Variants in SLC9A9 observed in about 807,000 individuals in gnomAD.
SLC9A9 encodes solute carrier family 9 member A9.
A neutral mutation model predicts 77.8 loss-of-function variants in SLC9A9; 62 were observed. The observed-to-expected ratio is 0.80, with a 90% confidence interval of 0.65 to 0.98. The LOEUF (loss-of-function observed/expected upper bound fraction) is 0.98, where lower values mean the gene tolerates loss of function less well. Ranked by LOEUF, SLC9A9 falls within the 50% of genes least tolerant of loss-of-function variation. The pLI, the probability that SLC9A9 is intolerant of heterozygous loss-of-function variation, is 0.00. For synonymous variants in SLC9A9, 320 were observed against 283.5 expected (o/e 1.13, Z -1.29); for missense variants, 775 against 774.9 (o/e 1.00, Z 0.00).
chr3:143,830,840 G>A (rs959947635), intron 2 of SLC9A9, among the ~76,000 whole-genome samples: 3 of 152,096 alleles, frequency 2.0e-5, no homozygotes, highest in Non-Finnish European at 4.4e-5. Context: ...TAATCCAAAA[G>A]CAGTGGCAGA....
intron 6 of SLC9A9, among the ~76,000 whole-genome samples, chr3:143,643,334 G>C (rs1037649856): frequency 6.6e-6 from 1 of 152,222 alleles, no homozygotes; most frequent in African/African-American, 2.4e-5. Context: ...ATTCCAGATA[G>C]ATGGCAAGTT....
chr3:143,675,714 T>C (rs572558708), intron 5 of SLC9A9, among the ~76,000 whole-genome samples: 146 of 152,362 alleles, frequency 9.6e-4, no homozygotes, highest in African/African-American at 3.3e-3. Flanking sequence ...TAATATCATA[T>C]AAAAATGATT....
At chr3:143,824,765 A>G (rs2009256006) in intron 2 of SLC9A9, among the ~76,000 whole-genome samples, 1 of 152,244 alleles carries the variant, frequency 6.6e-6, no homozygotes, top group Non-Finnish European at 1.5e-5. Context: ...ACCAAATGGA[A>G]TATTTAGAGT....
chr3:143,599,360 C>T (rs886086596), intron 6 of SLC9A9, among the ~76,000 whole-genome samples: 2 of 152,036 alleles, frequency 1.3e-5, no homozygotes, highest in African/African-American at 4.8e-5. Context: ...AATAAAAGGA[C>T]TTTTCCTGGA....
At chr3:143,542,781 A>C (rs1406968089) in intron 9 of SLC9A9, among the ~76,000 whole-genome samples, 1 of 152,186 alleles carries the variant, frequency 6.6e-6, no homozygotes, top group Non-Finnish European at 1.5e-5. Flanking sequence ...TTCACTCATT[A>C]ATTTATTAAT....
In SLC9A9 at chr3:143,778,037, C is replaced by CAAAAAAAAAAAAAAAAA. The variant is rs748982877; in HGVS notation, c.533+16963_533+16964insTTTTTTTTTTTTTTTTT. On this transcript the variant is annotated intron_variant, in intron 4 of 15. Transcript: ENST00000316549. ...CCGTCACTGATACTTTTATAAAATGCAAAAAAAAAAAAAAAGATGCTGAAT... is the reference window on the plus strand; with the variant it reads ...CCGTCACTGATACTTTTATAAAATGCAAAAAAAAAAAAAAAAAAAAAAAAAAAAAAAAGATGCTGAAT... 1.3e-3 allele frequency among the ~76,000 whole-genome samples: 100 copies of CAAAAAAAAAAAAAAAAA among 75,536 alleles called. 6 individuals are homozygous for CAAAAAAAAAAAAAAAAA. Among genetic ancestry groups the CAAAAAAAAAAAAAAAAA allele is most frequent in the Admixed American group, 2.2e-3 (11 of 5,110 alleles). 49.6% of individuals were successfully genotyped at this position (75,536 alleles called of 152,430 possible).
At chr3:143,345,403 G>A (rs892323772) in intron 14 of SLC9A9, among the ~76,000 whole-genome samples, 1 of 152,154 alleles carries the variant, frequency 6.6e-6, no homozygotes, top group Non-Finnish European at 1.5e-5. Flanking sequence ...TTACAAGGAG[G>A]AAGCAATCAA....
intron 11 of SLC9A9, among the ~76,000 whole-genome samples, chr3:143,480,173 A>C (rs985308640): frequency 6.6e-6 from 1 of 152,258 alleles, no homozygotes; most frequent in Non-Finnish European, 1.5e-5. Flanking sequence ...CCCATCTAAA[A>C]AATATTGTGG....
intron 4 of SLC9A9, among the ~76,000 whole-genome samples, chr3:143,719,732 G>C (rs1934447658): frequency 6.6e-6 from 1 of 152,142 alleles, no homozygotes; most frequent in African/African-American, 2.4e-5. Flanking sequence ...TAGTAGTACT[G>C]AACTATCCCC....
chr3:143,450,327 A>AT (rs2034983403), intron 12 of SLC9A9, among the ~76,000 whole-genome samples: 1 of 150,158 alleles, frequency 6.7e-6, no homozygotes, highest in African/African-American at 2.4e-5. Context: ...TTAGTTTGTT[A>AT]TTCAGTTCTT....
intron 14 of SLC9A9, among the ~76,000 whole-genome samples, chr3:143,355,935 T>A (rs963789852): frequency 5.3e-5 from 8 of 152,218 alleles, no homozygotes; most frequent in Non-Finnish European, 8.8e-5. Context: ...ATATCATTCG[T>A]TTAAAGTGAA....
At chr3:143,389,612 T>G (rs141516764) in intron 12 of SLC9A9, among the ~76,000 whole-genome samples, 108 of 152,322 alleles carry the variant, frequency 7.1e-4, no homozygotes, top group African/African-American at 2.5e-3. Flanking sequence ...TCTGAGCACT[T>G]CTATTGTGAG....
intron 12 of SLC9A9, among the ~76,000 whole-genome samples, chr3:143,393,101 G>A (rs1217928980): frequency 6.6e-6 from 1 of 152,182 alleles, no homozygotes; most frequent in East Asian, 1.9e-4. Flanking sequence ...AGACCTAATA[G>A]ACATCTACAG....
At chr3:143,374,731 G>A (rs2033142411) in intron 13 of SLC9A9, among the ~76,000 whole-genome samples, 1 of 152,024 alleles carries the variant, frequency 6.6e-6, no homozygotes, top group African/African-American at 2.4e-5. Flanking sequence ...AGCACATTAT[G>A]GAAAATGGGG....
chr3:143,307,524 T>C (rs149019418), intron 14 of SLC9A9, among the ~76,000 whole-genome samples: 348 of 152,356 alleles, frequency 2.3e-3, no homozygotes, highest in African/African-American at 8.1e-3. Flanking sequence ...CAGAGTAAGC[T>C]GTAGATGCCT....
At chr3:143,783,682 A>G (rs989395246) in intron 4 of SLC9A9, among the ~76,000 whole-genome samples, 2 of 152,222 alleles carry the variant, frequency 1.3e-5, no homozygotes, top group African/African-American at 4.8e-5. Context: ...AGCACATCAA[A>G]AAACTGTAAT....
intron 12 of SLC9A9, among the ~76,000 whole-genome samples, chr3:143,420,097 G>A (rs1043284686): frequency 6.6e-6 from 1 of 152,188 alleles, no homozygotes; most frequent in Non-Finnish European, 1.5e-5. Flanking sequence ...TGGCCATGAT[G>A]GGTAATGTGA....
At chr3:143,447,743 G>T (rs776876662) in intron 12 of SLC9A9, among the ~76,000 whole-genome samples, 17 of 152,172 alleles carry the variant, frequency 1.1e-4, no homozygotes, top group Non-Finnish European at 2.2e-4. Context: ...ATCGTTGTCT[G>T]TCTAAAGATG....
intron 5 of SLC9A9, among the ~76,000 whole-genome samples, chr3:143,677,246 A>G (rs575200309): frequency 1.3e-5 from 2 of 152,158 alleles, no homozygotes; most frequent in Middle Eastern, 3.2e-3. Flanking sequence ...ACAGATATGC[A>G]TGGGGGTTAT....
Sources: gnomAD v4.1 joint callset for allele counts (sites outside exome capture counted in the v4.1 genomes callset) on GRCh38, gnomAD v4.1.1 for gene constraint, MANE v1.5 for transcripts, NCBI Gene and HGNC (gene_info 2026-07-23, HGNC 2026-07-21) for gene names.